PSPC1: variants seen among roughly 807,000 people sequenced by gnomAD.
PSPC1 encodes the protein paraspeckle protein 1.
Under a neutral mutation model 51.6 loss-of-function variants are expected in PSPC1, and 14 were observed. That is an observed-to-expected ratio of 0.27 (90% CI 0.18 to 0.42). The LOEUF is 0.42. PSPC1 is among the 10% of genes least tolerant of loss of function. The probability of loss-of-function intolerance (pLI) is 1.00; values close to 1 mark genes in which losing one functional copy is unlikely to be tolerated. For missense variants in PSPC1, 406 were observed against 701.1 expected, an observed-to-expected ratio of 0.58 and a Z score of 4.75; for synonymous variants, 193 against 231.9, an observed-to-expected ratio of 0.83 and a Z score of 1.53.
chr13:19,771,057 G>A (rs1888576103), intron 2 of PSPC1, among the ~76,000 whole-genome samples: 1 of 152,098 alleles, frequency 6.6e-6, no homozygotes, highest in Non-Finnish European at 1.5e-5. Context: ...AGCCTCCTGA[G>A]TAGCTGGGAC....
chr13:19,692,553 C>A (rs11842329), intron 6 of PSPC1, among the ~76,000 whole-genome samples: 1 of 152,062 alleles, frequency 6.6e-6, no homozygotes, highest in South Asian at 2.1e-4. Flanking sequence ...ATTTACCAGG[C>A]GGATTTTCCA....
chr13:19,717,224 G>A (rs1002536193), intron 6 of PSPC1, among the ~76,000 whole-genome samples: 5 of 151,982 alleles, frequency 3.3e-5, no homozygotes, highest in African/African-American at 1.2e-4. Context: ...CATGAAAAAA[G>A]TATTAAGATA....
chr13:19,678,776 A>T (rs1194667031), intron 6 of PSPC1: 1 of 152,248 alleles, frequency 6.6e-6, no homozygotes, highest in African/African-American at 2.4e-5. Flanking sequence ...TTTTGTTTTG[A>T]GAGAGGGTCT....
chr13:19,765,561 C>T (rs1379773542), intron 2 of PSPC1, among the ~76,000 whole-genome samples: 1 of 149,990 alleles, frequency 6.7e-6, no homozygotes, highest in Non-Finnish European at 1.5e-5. Context: ...CTCGAACTCC[C>T]GGGCTCAAGC....
intron 2 of PSPC1, among the ~76,000 whole-genome samples, chr13:19,767,321 T>C (rs1888171585): frequency 6.6e-6 from 1 of 152,078 alleles, no homozygotes; most frequent in Non-Finnish European, 1.5e-5. Flanking sequence ...GTATCAATGC[T>C]TAATAGTCGA....
At chr13:19,691,588 C>A (rs903106471) in intron 6 of PSPC1, among the ~76,000 whole-genome samples, 1 of 151,900 alleles carries the variant, frequency 6.6e-6, no homozygotes, top group South Asian at 2.1e-4. Flanking sequence ...AATGAAAAGA[C>A]TTGATGGGAA....
intron 6 of PSPC1, chr13:19,678,988 A>AT (rs1876977509): frequency 1.3e-5 from 2 of 152,260 alleles, no homozygotes; most frequent in African/African-American, 4.8e-5. Context: ...TCCTGAGCGC[A>AT]GGCAATCCTC....
chr13:19,696,505 ACACACACACATACG>A (rs1306492897), intron 6 of PSPC1, among the ~76,000 whole-genome samples: 1 of 149,442 alleles, frequency 6.7e-6, no homozygotes, highest in Non-Finnish European at 1.5e-5. Flanking sequence ...ACACGCACAC[ACACACACACATACG>A]CACACACACA....
chr13:19,722,107 C>G (rs188031699), intron 6 of PSPC1, among the ~76,000 whole-genome samples: 1 of 152,092 alleles, frequency 6.6e-6, no homozygotes, highest in Non-Finnish European at 1.5e-5. Context: ...ACATAAAATT[C>G]GTGACCTCGA....
At chr13:19,717,855 G>A (rs551891534) in intron 6 of PSPC1, among the ~76,000 whole-genome samples, 3 of 150,064 alleles carry the variant, frequency 2.0e-5, no homozygotes, top group African/African-American at 4.9e-5. Flanking sequence ...CAGCGTGGGC[G>A]ACAGAGGGAG....
chr13:19,693,405 AT>A (rs1878797651), intron 6 of PSPC1, among the ~76,000 whole-genome samples: 1 of 152,180 alleles, frequency 6.6e-6, no homozygotes, highest in South Asian at 2.1e-4. Context: ...TATTTTGTTC[AT>A]TTTGGTATCC....
At chr13:19,739,074 A>G (rs1885151844) in intron 5 of PSPC1, among the ~76,000 whole-genome samples, 1 of 152,180 alleles carries the variant, frequency 6.6e-6, no homozygotes, top group Admixed American at 6.6e-5. Context: ...GTATACACAC[A>G]AAGTGGTTTC....
chr13:19,692,526 G>C (rs1046488990), intron 6 of PSPC1, among the ~76,000 whole-genome samples: 2 of 152,146 alleles, frequency 1.3e-5, no homozygotes, highest in African/African-American at 4.8e-5. Flanking sequence ...CAGATGGTAG[G>C]TCCTGTGAGA....
chr13:19,673,800 T>C (rs886590638), downstream of PSPC1, among the ~76,000 whole-genome samples: 5 of 152,182 alleles, frequency 3.3e-5, no homozygotes, highest in Admixed American at 6.5e-5. Flanking sequence ...GCCTGAGCAA[T>C]GATCCCTCTG....
At chr13:19,774,589 C>G (rs1888913535) in intron 1 of PSPC1, among the ~76,000 whole-genome samples, 1 of 151,764 alleles carries the variant, frequency 6.6e-6, no homozygotes, top group African/African-American at 2.4e-5. Context: ...CACTTGAGGT[C>G]AGGAGTTCAA....
intron 1 of PSPC1, among the ~76,000 whole-genome samples, chr13:19,777,605 T>C (rs1194205478): frequency 6.6e-6 from 1 of 152,130 alleles, no homozygotes; most frequent in Non-Finnish European, 1.5e-5. Context: ...AGTTTGCGAA[T>C]ATTTACCCTT....
chr13:19,776,108 GATA>G (rs1208788567), intron 1 of PSPC1, among the ~76,000 whole-genome samples: 2 of 152,002 alleles, frequency 1.3e-5, no homozygotes, highest in African/African-American at 4.8e-5. Flanking sequence ...TTAATGGGGT[GATA>G]ATATGTATAT....
intron 6 of PSPC1, among the ~76,000 whole-genome samples, chr13:19,696,949 TA>T (rs1486336912): frequency 1.3e-5 from 2 of 152,208 alleles, no homozygotes; most frequent in Non-Finnish European, 2.9e-5. Flanking sequence ...ATGCATTAAA[TA>T]ACACTCAATA....
chr13:19,761,953 C>T (rs955444301), intron 2 of PSPC1, among the ~76,000 whole-genome samples: 1 of 152,136 alleles, frequency 6.6e-6, no homozygotes, highest in Non-Finnish European at 1.5e-5. Flanking sequence ...GAAAAATGAA[C>T]TAAGCAGATG....
Sources: allele counts gnomAD v4.1 joint callset (sites outside exome capture counted in the v4.1 genomes callset), GRCh38; gene constraint gnomAD v4.1.1; transcripts MANE v1.5; gene names NCBI Gene and HGNC (gene_info 2026-07-23, HGNC 2026-07-21).